The following RAPGEF2 variants were observed in gnomAD, a reference collection of about 807,000 sequenced individuals.
RAPGEF2 encodes the protein PDZ domain containing guanine nucleotide exchange factor (GEF) 1.
A neutral mutation model predicts 186.7 loss-of-function variants in RAPGEF2; 54 were observed. The observed-to-expected ratio is 0.29, with a 90% CI of 0.23 to 0.36. The LOEUF is 0.36. Ranked by LOEUF, RAPGEF2 falls within the 10% of genes least tolerant of loss-of-function variation. The pLI is 1.00. For missense variants in RAPGEF2, 1,532 were observed against 2,045.0 expected (o/e 0.75, Z 4.84); for synonymous variants, 712 against 705.9 (o/e 1.01, Z -0.14).
intron 7 of RAPGEF2, among the ~76,000 whole-genome samples, chr4:159,270,982 G>T (rs2110812771): frequency 6.6e-6 from 1 of 152,270 alleles, no homozygotes; most frequent in East Asian, 1.9e-4. Flanking sequence ...AGAGGAGGTT[G>T]CTAACATTTC....
chr4:159,231,386 ATG>A (rs1752628130), intron 4 of RAPGEF2, among the ~76,000 whole-genome samples: 1 of 152,082 alleles, frequency 6.6e-6, no homozygotes, highest in South Asian at 2.1e-4. Flanking sequence ...TTATTTTGTT[ATG>A]TGTTATATGT....
At chr4:159,295,989 A>G (rs1761974222) in intron 7 of RAPGEF2, among the ~76,000 whole-genome samples, 1 of 152,148 alleles carries the variant, frequency 6.6e-6, no homozygotes, top group African/African-American at 2.4e-5. Flanking sequence ...TTAGCTTGGA[A>G]TGTTTATAAT....
intron 1 of RAPGEF2, among the ~76,000 whole-genome samples, chr4:159,145,482 CAAAACATTGCCA>C (rs1272934440): frequency 2.8e-4 from 42 of 151,630 alleles, no homozygotes; most frequent in African/African-American, 2.9e-4. Flanking sequence ...AAAACATTGC[CAAAACATTGCCA>C]AAAACATTGC....
intron 4 of RAPGEF2, among the ~76,000 whole-genome samples, chr4:159,227,945 A>G (rs1437771338): frequency 6.6e-6 from 1 of 152,204 alleles, no homozygotes; most frequent in African/African-American, 2.4e-5. Context: ...TAATAACAAA[A>G]TTGTATTGCC....
chr4:159,235,264 A>G (rs1205472768), intron 4 of RAPGEF2, among the ~76,000 whole-genome samples: 3 of 152,136 alleles, frequency 2.0e-5, no homozygotes, highest in Admixed American at 6.5e-5. Context: ...CATCATTTCA[A>G]AGTTTGTCTT....
intron 7 of RAPGEF2, among the ~76,000 whole-genome samples, chr4:159,264,119 ATCCTT>A (rs1341320486): frequency 1.3e-5 from 2 of 152,132 alleles, no homozygotes; most frequent in African/African-American, 2.4e-5. Flanking sequence ...TTTCTCCTAA[ATCCTT>A]TGTTTATATT....
intron 7 of RAPGEF2, among the ~76,000 whole-genome samples, chr4:159,273,628 TTC>T (rs796749753): frequency 0.029 from 398 of 13,734 alleles, no homozygotes; most frequent in Middle Eastern, 0.11. Flanking sequence ...AGTAATCAGT[TTC>T]TTTCTTTCTT....
chr4:159,330,370 G>A lies in RAPGEF2; in HGVS notation c.1339G>A (p.Glu447Lys). The part of the protein sequence containing the change: ...SERLTMHLVE[E>K]HSVVDPTFIE... Reference sequence around the variant, plus strand: ...AAGGTTAACAATGCATTTGGTGGAAGAGCATTCAGTAGTAGATCCAACATT... The same window carrying A: ...AAGGTTAACAATGCATTTGGTGGAAAAGCATTCAGTAGTAGATCCAACATT... The change falls in exon 13 of 30, where the codon GAG (glutamate) becomes AAG (lysine). Residue 447 changes from glutamate (E) to lysine (K), a missense_variant. Around this residue, in one of 4 missense-constraint regions of RAPGEF2, gnomAD observed 810 missense variants for 1,210.5 expected, o/e 0.67. Coordinates refer to ENST00000691494, the MANE Select transcript of RAPGEF2 (RefSeq NM_001394067.2). 1 of 1,594,232 alleles carries A rather than the reference G, an allele frequency of 6.3e-7. No individual in the cohort carries two copies. Among genetic ancestry groups the A allele is most frequent in the Non-Finnish European group, 8.5e-7 (1 of 1,174,794 alleles).
At position 159,298,073 on chromosome 4, in the gene RAPGEF2, A is replaced by C. The variant is rs188069413; in HGVS notation, c.544-6269A>C. Among the ~76,000 whole-genome samples the C allele has an allele frequency of 2.4e-3, 368 of 152,318 alleles. 2 individuals are homozygous for C. Among genetic ancestry groups the C allele is most frequent in the Non-Finnish European group, 2.6e-3 (180 of 68,022 alleles). On this transcript the variant is annotated intron_variant, in intron 7 of 29. Coordinates refer to ENST00000691494, the MANE Select transcript of RAPGEF2 (RefSeq NM_001394067.2). ...TAATTTTGGCAGTTTTCTCCAGTAG[A>C]TAAAAGCAAATAAATTTTTGCAGAC...
chr4:159,199,848 G>A (rs1327657286), intron 3 of RAPGEF2, among the ~76,000 whole-genome samples: 1 of 151,680 alleles, frequency 6.6e-6, no homozygotes, highest in Non-Finnish European at 1.5e-5. Context: ...GGTGACTCCA[G>A]GTGAGAAACA....
intron 4 of RAPGEF2, among the ~76,000 whole-genome samples, chr4:159,216,161 G>T (rs562067562): frequency 5.3e-5 from 8 of 152,178 alleles, no homozygotes; most frequent in African/African-American, 1.9e-4. Flanking sequence ...CCTACTGTGT[G>T]GTCTCTACAC....
chr4:159,230,000 A>G (rs2111433110), intron 4 of RAPGEF2, among the ~76,000 whole-genome samples: 1 of 152,316 alleles, frequency 6.6e-6, no homozygotes, highest in East Asian at 1.9e-4. Flanking sequence ...TTAATATCAG[A>G]TTTTAAGGAC....
intron 1 of RAPGEF2, among the ~76,000 whole-genome samples, chr4:159,178,646 C>CT (rs1230672771): frequency 1.3e-5 from 2 of 150,318 alleles, no homozygotes; most frequent in Non-Finnish European, 3.0e-5. Context: ...CAACCTCCAC[C>CT]TCCCGGGTTC....
intron 26 of RAPGEF2, chr4:159,351,081 A>C (rs1195252531): frequency 6.5e-7 from 1 of 1,533,872 alleles, no homozygotes; most frequent in South Asian, 1.2e-5. Flanking sequence ...ATCAGCTGAG[A>C]TCTTTTGGCT....
intron 11 of RAPGEF2, among the ~76,000 whole-genome samples, chr4:159,326,473 A>G (rs1008909435): frequency 7.2e-5 from 11 of 152,242 alleles, no homozygotes; most frequent in African/African-American, 2.7e-4. Context: ...TCCAAAATGA[A>G]TATTGGTTTC....
chr4:159,308,465 G>T (rs769174591), intron 8 of RAPGEF2, among the ~76,000 whole-genome samples: 3 of 152,138 alleles, frequency 2.0e-5, no homozygotes, highest in Non-Finnish European at 4.4e-5. Flanking sequence ...TTCCAAATTT[G>T]CATTTGAATC....
intron 9 of RAPGEF2, among the ~76,000 whole-genome samples, chr4:159,316,271 A>G (rs184464945): frequency 2.0e-5 from 3 of 152,276 alleles, no homozygotes. Flanking sequence ...TATTGGAATA[A>G]AGAGTAAGTA....
At chr4:159,274,144 A>G (rs1192265848) in intron 7 of RAPGEF2, among the ~76,000 whole-genome samples, 1 of 152,198 alleles carries the variant, frequency 6.6e-6, no homozygotes, top group Admixed American at 6.5e-5. Flanking sequence ...TAATTTATTC[A>G]GGTAATCTAT....
intron 3 of RAPGEF2, among the ~76,000 whole-genome samples, chr4:159,200,060 C>CTCTCTCTA (rs138313884): frequency 6.6e-6 from 1 of 151,298 alleles, no homozygotes; most frequent in African/African-American, 2.4e-5. Flanking sequence ...CTCTCTCTCT[C>CTCTCTCTA]TATATATATA....
Sources: allele counts gnomAD v4.1 joint callset (sites outside exome capture counted in the v4.1 genomes callset), GRCh38; gene constraint gnomAD v4.1.1; regional missense constraint gnomAD v4.1.1; transcripts MANE v1.5; gene names NCBI Gene and HGNC (gene_info 2026-07-23, HGNC 2026-07-21).